Variants in DDX1 observed in about 807,000 individuals in gnomAD.
The protein encoded by DDX1 is ATP-dependent RNA helicase DDX1.
A neutral mutation model predicts 108.7 loss-of-function variants in DDX1; 28 were observed. That is an observed-to-expected ratio of 0.26 (90% confidence interval 0.19 to 0.35). The LOEUF is 0.35. Ranked by LOEUF, DDX1 falls within the 10% of genes least tolerant of loss-of-function variation. DDX1 has a pLI of 1.00. For synonymous variants in DDX1, 295 were observed against 288.9 expected (o/e 1.02, Z -0.21); for missense variants, 710 against 884.5 (o/e 0.80, Z 2.50).
chr2:15,628,644 A>G lies in DDX1; in HGVS notation c.1766A>G (p.Asn589Ser), dbSNP rs1314132812. ...TAATGGTTTTTATTTATAGTTATAA[A>G]TGTCACTCTGCCCGATGAAAAGCAA... ...IDIHGVPYVI[N>S]VTLPDEKQNY... is the part of the protein sequence containing the mutation. Residue 589 changes from asparagine (N) to serine (S), a missense_variant, in exon 22 of 26, where the codon AAT becomes AGT. By Grantham distance (46) the Asn-to-Ser change is conservative. This residue lies in a region of DDX1 where 661 missense variants were observed against 810.2 expected (regional missense o/e 0.82). Transcript: ENST00000233084. The G allele has an allele frequency of 1.2e-6, 2 of 1,611,702 alleles. No homozygotes were observed. Among genetic ancestry groups the G allele is most frequent in the Non-Finnish European group, 1.7e-6 (2 of 1,178,606 alleles).
At chr2:15,598,012 T>C (rs2148737096) in intron 5 of DDX1, among the ~76,000 whole-genome samples, 1 of 152,298 alleles carries the variant, frequency 6.6e-6, no homozygotes, top group Non-Finnish European at 1.5e-5. Flanking sequence ...GTCTCTACCG[T>C]AATCAATCTT....
At chr2:15,595,609 A>G in intron 3 of DDX1, 56 bp downstream of exon 3, 3 of 1,172,878 alleles carry the variant, frequency 2.6e-6, no homozygotes, top group Non-Finnish European at 2.6e-6. Flanking sequence ...TAAGAATTGC[A>G]TAGGCTTACA....
Position 15,619,934 on chromosome 2 carries a change from A to C in DDX1, c.1207-274A>C, listed in dbSNP as rs140794181. On this transcript the variant is annotated intron_variant, in intron 16 of 25. Transcript: ENST00000233084. ...GAGAGAAGGGGACAGACAGTAATAC[A>C]GGATTTTTGGCTTACAAAAATGACT... Among the ~76,000 whole-genome samples, 285 of 152,318 alleles carry C rather than the reference A, an allele frequency of 1.9e-3. 1 individual carries two copies. Among genetic ancestry groups the C allele is most frequent in the African/African-American group, 6.6e-3 (276 of 41,566 alleles).
At chr2:15,611,473 TC>T (rs1665753944) in intron 13 of DDX1, among the ~76,000 whole-genome samples, 5 of 125,536 alleles carry the variant, frequency 4.0e-5, no homozygotes, top group Admixed American at 7.7e-5. Flanking sequence ...GGGCAGAGGC[TC>T]CCCCCACCTC....
At chr2:15,626,377 T>A (rs1428353107) in intron 19 of DDX1, among the ~76,000 whole-genome samples, 1 of 152,194 alleles carries the variant, frequency 6.6e-6, no homozygotes, top group East Asian at 1.9e-4. Flanking sequence ...ATGTATTGTT[T>A]CCTTGAATTT....
At chr2:15,597,067 T>C (rs1255221374) in intron 4 of DDX1, among the ~76,000 whole-genome samples, 1 of 152,212 alleles carries the variant, frequency 6.6e-6, no homozygotes, top group Admixed American at 6.5e-5. Flanking sequence ...GAAGTTGATC[T>C]CCTACTGGCC....
chr2:15,600,250 G>A (rs1291105238), intron 6 of DDX1, among the ~76,000 whole-genome samples: 1 of 152,182 alleles, frequency 6.6e-6, no homozygotes, highest in Admixed American at 6.5e-5. Flanking sequence ...TCACCAGGCT[G>A]GCTGTTCACT....
intron 18 of DDX1, among the ~76,000 whole-genome samples, chr2:15,622,164 G>A (rs1405776950): frequency 1.3e-5 from 2 of 152,116 alleles, no homozygotes; most frequent in African/African-American, 2.4e-5. Context: ...TTTGTGTGTG[G>A]TAGAATATAC....
chr2:15,596,239 C>T (rs567056083), intron 3 of DDX1, among the ~76,000 whole-genome samples: 4 of 152,104 alleles, frequency 2.6e-5, no homozygotes, highest in South Asian at 2.1e-4. Context: ...AGCAAAACAG[C>T]GAATAGTAGA....
chr2:15,614,030 A>C (rs1665849620), intron 14 of DDX1, among the ~76,000 whole-genome samples: 1 of 152,040 alleles, frequency 6.6e-6, no homozygotes, highest in African/African-American at 2.4e-5. Flanking sequence ...CATGTTGGCC[A>C]GGCTGGTCTT....
intron 16 of DDX1, among the ~76,000 whole-genome samples, chr2:15,619,037 C>A (rs575128849): frequency 9.2e-5 from 14 of 152,332 alleles, no homozygotes; most frequent in Admixed American, 5.2e-4. Context: ...GCAGAGATGT[C>A]TGGGTCCGCA....
At chr2:15,622,150 CTTT>C (rs1442237919) in intron 18 of DDX1, among the ~76,000 whole-genome samples, 1 of 152,108 alleles carries the variant, frequency 6.6e-6, no homozygotes, top group Non-Finnish European at 1.5e-5. Context: ...TAGTTGTTGA[CTTT>C]TTTGTGTGTG....
In DDX1 at chr2:15,623,393, G is replaced by A. The variant is rs761447925; in HGVS notation, c.1448-43G>A. 4 of 1,602,766 alleles carry A rather than the reference G, an allele frequency of 2.5e-6. No individual in the cohort carries two copies. The South Asian group carries it at 3.3e-5, about 13-fold the overall frequency. On this transcript the variant is annotated intron_variant, in intron 18 of 25. Transcript: ENST00000233084. Reference sequence around the variant, plus strand: ...ATTATGTGTATTCATGACAAGTTCAGATTGAAATTCTGTTGGTTTTTGTTG... The same window carrying A: ...ATTATGTGTATTCATGACAAGTTCAAATTGAAATTCTGTTGGTTTTTGTTG...
At chr2:15,608,690 A>G (rs1371398700) in intron 13 of DDX1, among the ~76,000 whole-genome samples, 3 of 89,232 alleles carry the variant, frequency 3.4e-5, no homozygotes, top group African/African-American at 1.3e-4. Flanking sequence ...TTTTTTATGA[A>G]GTCTCGCTAT....
chr2:15,620,468 A>G (rs567512633), intron 17 of DDX1, 72 bp downstream of exon 17: 13 of 1,175,768 alleles, frequency 1.1e-5, no homozygotes, highest in Non-Finnish European at 1.6e-5. Context: ...TTGGGCTCTT[A>G]GTGATGCTTA....
In DDX1 at chr2:15,602,591, G is replaced by C; in HGVS notation, c.351G>C (p.Lys117Asn). The change falls in exon 7 of 26, where the codon AAG becomes AAC. Residue 117 changes from lysine to asparagine, a missense_variant. By Grantham distance (94) the Lys-to-Asn change is moderately conservative (BLOSUM62 0). Around this residue, in one of 3 missense-constraint regions of DDX1, gnomAD observed 661 missense variants for 810.2 expected, o/e 0.82. Coordinates refer to ENST00000233084, the MANE Select transcript of DDX1 (RefSeq NM_004939.3). ...TTTGTTGTCAAAGCAGAGAAGTAAA[G>C]GAATGGCATGGGTGTAGAGCTACTA... ...DGLCCQSREVKEWHGCRATKG... is the reference protein window; with the variant it reads ...DGLCCQSREVNEWHGCRATKG... The C allele has an allele frequency of 6.2e-7, 1 of 1,613,812 alleles. No homozygotes were observed. Among genetic ancestry groups the C allele is most frequent in the Non-Finnish European group, 8.5e-7 (1 of 1,179,684 alleles).
Position 15,605,989 on chromosome 2 carries a change from T to G in DDX1, c.665T>G (p.Met222Arg). The change falls in exon 11 of 26, where the codon ATG becomes AGG. Residue 222 changes from methionine to arginine, a missense_variant. This residue lies in a region of DDX1 where 661 missense variants were observed against 810.2 expected (regional missense o/e 0.82). Transcript: ENST00000233084. ...LGLAFEIPPH[M>R]KNQALFPACV... The stretch of plus-strand genomic sequence containing the variant: ...CTGGCATTTGAAATACCACCACATA[T>G]GAAAAACCAAGCCCTCTTTCCTGCC... 1.3e-6 allele frequency: 2 copies of G among 1,586,034 alleles called. No homozygotes were observed. The highest frequency in any genetic ancestry group is 1.7e-6 in the Non-Finnish European group (2 of 1,170,852).
At chr2:15,591,990 T>G in intron 1 of DDX1, 41 bp downstream of exon 1, 1 of 1,395,934 alleles carries the variant, frequency 7.2e-7, no homozygotes, top group East Asian at 3.1e-5. Context: ...GGCGGCTTGT[T>G]GCACGCCTCA....
At chr2:15,604,075 A>G (rs766726669) in intron 9 of DDX1, among the ~76,000 whole-genome samples, 185 bp downstream of exon 9, 7 of 152,238 alleles carry the variant, frequency 4.6e-5, no homozygotes, top group Non-Finnish European at 8.8e-5. Flanking sequence ...AATATGTAGT[A>G]GTTATAATTT....
Sources: allele counts gnomAD v4.1 joint callset (sites outside exome capture counted in the v4.1 genomes callset), GRCh38; gene constraint gnomAD v4.1.1; regional missense constraint gnomAD v4.1.1; transcripts MANE v1.5; gene names NCBI Gene and HGNC (gene_info 2026-07-23, HGNC 2026-07-21).